TBC1D31: variants seen among roughly 807,000 people sequenced by gnomAD.
The protein encoded by TBC1D31 is WD repeat domain 67.
Under a neutral mutation model 132.9 loss-of-function variants are expected in TBC1D31, and 99 were observed. That is an observed-to-expected ratio of 0.74 (90% CI 0.63 to 0.88). The LOEUF is 0.88. TBC1D31 is among the 40% of genes least tolerant of loss of function. TBC1D31 has a pLI of 0.00. For synonymous variants in TBC1D31, 385 were observed against 419.4 expected (o/e 0.92, Z 1.00); for missense variants, 1,134 against 1,256.6 (o/e 0.90, Z 1.48).
rs750775172 is a variant in TBC1D31, at chr8:123,072,819, G to T, written c.50G>T (p.Arg17Leu). 1 of 1,572,858 alleles carries T rather than the reference G, an allele frequency of 6.4e-7. No individual in the cohort carries two copies. Among genetic ancestry groups the T allele is most frequent in the South Asian group, 1.2e-5 (1 of 85,684 alleles). Residue 17 changes from arginine to leucine, a missense_variant, in exon 1 of 22, where the codon CGC (arginine) becomes CTC (leucine). Transcript: ENST00000287380. ...AAGGAGAGCGGCAAGATATGGCACCGCAAGCCGTCCCCGGCCACGCGGGAC... is the reference window on the plus strand; with the variant it reads ...AAGGAGAGCGGCAAGATATGGCACCTCAAGCCGTCCCCGGCCACGCGGGAC... The part of the protein sequence containing the change: ...GNKESGKIWH[R>L]KPSPATRDGI...
At chr8:123,124,924 G>A (rs1226636621) in intron 11 of TBC1D31, among the ~76,000 whole-genome samples, 1 of 139,412 alleles carries the variant, frequency 7.2e-6, no homozygotes, top group Admixed American at 7.7e-5. Flanking sequence ...GCCACAGAGT[G>A]AGACTCCGTC....
At chr8:123,157,152 T>A (rs376615025), downstream of TBC1D31, among the ~76,000 whole-genome samples, 6 of 146,552 alleles carry the variant, frequency 4.1e-5, no homozygotes, top group South Asian at 4.1e-4. Flanking sequence ...CTTTTCCCCT[T>A]GTTGTCACCC....
chr8:123,157,925 T>TGCAG, the TBC1D31 span, among the ~76,000 whole-genome samples: 3 of 151,960 alleles, frequency 2.0e-5, no homozygotes, highest in Non-Finnish European at 2.9e-5. Context: ...CAAGACTTTC[T>TGCAG]GACTGCAAGA....
chr8:123,099,436 A>G (rs917806531), intron 6 of TBC1D31, among the ~76,000 whole-genome samples: 8 of 151,922 alleles, frequency 5.3e-5, no homozygotes, highest in Non-Finnish European at 1.0e-4. Flanking sequence ...ACATGTTCTT[A>G]ATTTTTGAAA....
At chr8:123,077,533 A>ATTTTTTTT (rs33948089) in intron 2 of TBC1D31, among the ~76,000 whole-genome samples, 1 of 143,482 alleles carries the variant, frequency 7.0e-6, no homozygotes, top group African/African-American at 2.6e-5. Context: ...ATTATTGCTA[A>ATTTTTTTT]TTTTTTTTTT....
At chr8:123,101,104 T>A (rs1403688714) in intron 7 of TBC1D31, 97 bp downstream of exon 7, 5 of 930,696 alleles carry the variant, frequency 5.4e-6, no homozygotes, top group African/African-American at 1.7e-5. Context: ...CTAACTTACC[T>A]GGAACTTATC....
At chr8:123,095,308 A>G (rs951914295) in intron 5 of TBC1D31, among the ~76,000 whole-genome samples, 13 of 152,312 alleles carry the variant, frequency 8.5e-5, no homozygotes, top group African/African-American at 2.9e-4. Context: ...CTGCCTTAGA[A>G]GTTAGCAAAA....
At chr8:123,155,742 T>G (rs1277103966), downstream of TBC1D31, among the ~76,000 whole-genome samples, 2 of 152,212 alleles carry the variant, frequency 1.3e-5, no homozygotes, top group Non-Finnish European at 2.9e-5. This position sits in a 1 kb window ranked among gnomAD's most constrained non-coding sequence, Gnocchi z 4.1. Flanking sequence ...GAGTATTCTT[T>G]AACCCTTCCC....
intron 2 of TBC1D31, among the ~76,000 whole-genome samples, chr8:123,081,168 G>C (rs1354363023): frequency 6.6e-6 from 1 of 152,088 alleles, no homozygotes. Context: ...CTACCTCTCT[G>C]ATCATTTTTC....
downstream of TBC1D31, among the ~76,000 whole-genome samples, chr8:123,156,440 CAAAAA>C (rs34267268): frequency 8.9e-5 from 9 of 100,986 alleles, no homozygotes; most frequent in African/African-American, 7.5e-5. Context: ...GACCCTGTCT[CAAAAA>C]AAAAAAAAAA....
intron 2 of TBC1D31, among the ~76,000 whole-genome samples, chr8:123,080,687 C>T (rs1815058292): frequency 1.3e-5 from 2 of 151,900 alleles, no homozygotes; most frequent in Admixed American, 6.6e-5. Flanking sequence ...CAGGTATGTG[C>T]CACCACGCCC....
chr8:123,141,094 A>G (rs1175292055), intron 18 of TBC1D31, among the ~76,000 whole-genome samples, 193 bp downstream of exon 18: 1 of 152,236 alleles, frequency 6.6e-6, no homozygotes, highest in African/African-American at 2.4e-5. Flanking sequence ...CAATCACATG[A>G]TATGCATGTC....
downstream of TBC1D31, among the ~76,000 whole-genome samples, chr8:123,156,453 A>C (rs1403444913): frequency 6.6e-6 from 1 of 151,924 alleles, no homozygotes; most frequent in Non-Finnish European, 1.5e-5. Context: ...AAAAAAAAAA[A>C]AAAAAAATAC....
At chr8:123,105,228 A>C in intron 7 of TBC1D31, 60 bp from the exon 8 acceptor site, 2 of 1,241,704 alleles carry the variant, frequency 1.6e-6, no homozygotes, top group Non-Finnish European at 2.1e-6. Flanking sequence ...ATCATACATT[A>C]ACAGGCCTGT....
chr8:123,114,317 T>TTG (rs1554614955), intron 10 of TBC1D31, among the ~76,000 whole-genome samples: 1,739 of 151,516 alleles, frequency 0.011, 13 homozygotes, highest in Non-Finnish European at 0.019. Flanking sequence ...TTGTTTGTTT[T>TTG]TTGTTGTTGT....
Position 123,077,066 on chromosome 8 carries a change from T to C in TBC1D31, c.78-45T>C, listed in dbSNP as rs760996069. On this transcript the variant is annotated intron_variant, in intron 1 of 21. Coordinates refer to ENST00000287380, the MANE Select transcript of TBC1D31 (RefSeq NM_145647.4). The stretch of plus-strand genomic sequence containing the variant: ...TTGCCATATTTTTCATAATATCAAG[T>C]AATACGTGACATAGATTCAATGTTT... 3.3e-6 allele frequency: 5 copies of C among 1,523,948 alleles called. No individual in the cohort carries two copies. In the Admixed American group the frequency reaches 6.3e-5, roughly 19 times the overall value. The allele number at this position is 1,523,948 out of a possible 1,614,324, so 94.4% of individuals were successfully genotyped here.
chr8:123,158,316 G>A, the TBC1D31 span, among the ~76,000 whole-genome samples: 1 of 152,184 alleles, frequency 6.6e-6, no homozygotes, highest in African/African-American at 2.4e-5. Flanking sequence ...CAGCCAGACA[G>A]TGGCACATTG....
chr8:123,126,198 C>G lies in TBC1D31; in HGVS notation c.1704+9C>G. The stretch of plus-strand genomic sequence containing the variant: ...ATGATATAACCTCCCAGGTAAGAAG[C>G]ATAAGGTTTTTAGAATAACATGCCT... On this transcript the variant is annotated intron_variant, in intron 12 of 21. Transcript: ENST00000287380. 6.3e-7 allele frequency: 1 copy of G among 1,599,710 alleles called. No homozygotes were observed. Among genetic ancestry groups the G allele is most frequent in the Non-Finnish European group, 8.5e-7 (1 of 1,175,340 alleles).
chr8:123,136,231 C>T (rs1374343568), intron 17 of TBC1D31, among the ~76,000 whole-genome samples: 3 of 152,214 alleles, frequency 2.0e-5, no homozygotes, highest in African/African-American at 7.2e-5. Context: ...AAAAGAAAAT[C>T]TGAGATCTCA....
Sources: allele counts gnomAD v4.1 joint callset (sites outside exome capture counted in the v4.1 genomes callset), GRCh38; gene constraint gnomAD v4.1.1; non-coding constraint Gnocchi (gnomAD v3.1); transcripts MANE v1.5; gene names NCBI Gene and HGNC (gene_info 2026-07-23, HGNC 2026-07-21).